SGCZ: variants seen among roughly 807,000 people sequenced by gnomAD.
SGCZ encodes sarcoglycan zeta.
In SGCZ, 40 loss-of-function variants were observed where a neutral mutation model predicts 41.3. The ratio of observed to expected loss-of-function variants is 0.97; its 90% CI spans 0.75 to 1.26. SGCZ has a LOEUF of 1.26. Among genes scored for constraint, SGCZ ranks in the 50% most tolerant of loss-of-function variants. SGCZ has a pLI of 0.00. For synonymous variants in SGCZ, 206 were observed against 137.5 expected (o/e 1.50, Z -3.49); for missense variants, 552 against 369.8 (o/e 1.49, Z -4.04).
chr8:14,127,606 C>G (rs544787470), intron 5 of SGCZ, among the ~76,000 whole-genome samples: 1 of 152,198 alleles, frequency 6.6e-6, no homozygotes, highest in South Asian at 2.1e-4. Flanking sequence ...CAGGCACCCA[C>G]TACCACACCA....
chr8:14,428,361 G>A (rs188852006), intron 2 of SGCZ, among the ~76,000 whole-genome samples: 92 of 151,942 alleles, frequency 6.1e-4, no homozygotes, highest in African/African-American at 2.1e-3. Flanking sequence ...CAACTCAGAC[G>A]GGATGCAAGG....
At chr8:14,318,335 A>G (rs1801786353) in intron 3 of SGCZ, among the ~76,000 whole-genome samples, 1 of 151,896 alleles carries the variant, frequency 6.6e-6, no homozygotes, top group Non-Finnish European at 1.5e-5. Context: ...AATCTCCCTC[A>G]CGCTTTAACA....
chr8:14,692,180 T>C (rs529458559), intron 1 of SGCZ, among the ~76,000 whole-genome samples: 2 of 152,024 alleles, frequency 1.3e-5, no homozygotes, highest in Non-Finnish European at 2.9e-5. Context: ...CATAGTTAAA[T>C]TGATATATAA....
rs1318338667 is a variant in SGCZ at position 14,084,905 on chromosome 8, A to G, written c.*5538T>C. Among the ~76,000 whole-genome samples the G allele has an allele frequency of 6.6e-6, 1 of 151,936 alleles. No homozygotes were observed. The highest frequency in any genetic ancestry group is 6.6e-5 in the Admixed American group (1 of 15,208). ...TAATCATGGTTACATAGTAGCACCA[A>G]AATTAGGACAAATTACAAGAATCAC... On this transcript the variant is annotated 3_prime_UTR_variant, in exon 8 of 8. Coordinates refer to ENST00000382080, the MANE Select transcript of SGCZ (RefSeq NM_139167.4).
chr8:14,995,145 T>C (rs1802170525), intron 1 of SGCZ, among the ~76,000 whole-genome samples: 1 of 152,270 alleles, frequency 6.6e-6, no homozygotes, highest in Non-Finnish European at 1.5e-5. Flanking sequence ...CTTGGGGCCA[T>C]GGTGAGGCAT....
intron 1 of SGCZ, among the ~76,000 whole-genome samples, chr8:15,075,454 CTT>C (rs1393630534): frequency 6.6e-6 from 1 of 152,090 alleles, no homozygotes; most frequent in Non-Finnish European, 1.5e-5. Context: ...TTGTAAGTAT[CTT>C]TTTTTAAAGT....
At chr8:14,296,264 TGG>T (rs1801010024) in intron 3 of SGCZ, among the ~76,000 whole-genome samples, 1 of 152,076 alleles carries the variant, frequency 6.6e-6, no homozygotes, top group Non-Finnish European at 1.5e-5. Context: ...TCTGAATGTA[TGG>T]AAAACAATAA....
chr8:15,174,321 G>T (rs1231860448), intron 1 of SGCZ, among the ~76,000 whole-genome samples: 1 of 152,128 alleles, frequency 6.6e-6, no homozygotes. Context: ...TCTGTCAATT[G>T]ACTTCAGTGT....
intron 1 of SGCZ, among the ~76,000 whole-genome samples, chr8:14,974,182 G>C (rs549715620): frequency 1.3e-5 from 2 of 152,018 alleles, no homozygotes; most frequent in Non-Finnish European, 2.9e-5. Context: ...TGTAGAAAAG[G>C]ATACAATTAG....
At chr8:14,649,631 C>A (rs1018846361) in intron 1 of SGCZ, among the ~76,000 whole-genome samples, 1 of 151,964 alleles carries the variant, frequency 6.6e-6, no homozygotes, top group Admixed American at 6.6e-5. Flanking sequence ...GAAAGCTCAG[C>A]TCGTTAAGTT....
intron 1 of SGCZ, among the ~76,000 whole-genome samples, chr8:14,986,452 T>A (rs1213700524): frequency 6.6e-6 from 1 of 152,066 alleles, no homozygotes; most frequent in African/African-American, 2.4e-5. Context: ...GCTTTGAGAT[T>A]TTTGGTTATC....
chr8:14,955,415 T>C (rs1800761426), intron 1 of SGCZ, among the ~76,000 whole-genome samples: 1 of 152,214 alleles, frequency 6.6e-6, no homozygotes, highest in Non-Finnish European at 1.5e-5. Context: ...TTGTTGTGCC[T>C]CTTTCCTAGT....
intron 4 of SGCZ, among the ~76,000 whole-genome samples, chr8:14,212,558 C>T (rs13271166): frequency 0.24 from 35,956 of 149,846 alleles, 5,481 homozygotes; most frequent in Non-Finnish European, 0.34. Context: ...ATAGCCTACA[C>T]ATTAAACCTA....
chr8:14,228,788 T>A (rs6981010), intron 4 of SGCZ, among the ~76,000 whole-genome samples: 91,132 of 151,964 alleles, frequency 0.6, 27,690 homozygotes, highest in East Asian at 0.76. Context: ...ACAACTAAAG[T>A]TACTGTTACC....
chr8:14,119,975 T>C (rs1311596019), intron 5 of SGCZ, among the ~76,000 whole-genome samples: 1 of 152,168 alleles, frequency 6.6e-6, no homozygotes, highest in Admixed American at 6.6e-5. Flanking sequence ...AGTATTTTTT[T>C]GAGGATTTTT....
At chr8:14,539,209 C>A (rs918749886) in intron 2 of SGCZ, among the ~76,000 whole-genome samples, 1 of 151,990 alleles carries the variant, frequency 6.6e-6, no homozygotes, top group South Asian at 2.1e-4. Context: ...CTGGGCCTCC[C>A]GCCAAATGGC....
chr8:14,157,139 C>T (rs553629004), intron 5 of SGCZ, among the ~76,000 whole-genome samples: 1 of 151,910 alleles, frequency 6.6e-6, no homozygotes, highest in Admixed American at 6.6e-5. Context: ...GTATGTTGTG[C>T]TCTGACCTTA....
intron 2 of SGCZ, among the ~76,000 whole-genome samples, chr8:14,409,489 A>G (rs113364842): frequency 2.6e-5 from 4 of 152,272 alleles, no homozygotes; most frequent in African/African-American, 9.6e-5. Flanking sequence ...AAAAAATCAG[A>G]ATATTCACTT....
chr8:14,115,684 T>C (rs1048487313), intron 5 of SGCZ, among the ~76,000 whole-genome samples: 1 of 151,920 alleles, frequency 6.6e-6, no homozygotes, highest in African/African-American at 2.4e-5. Flanking sequence ...TTTTTTTTTG[T>C]ATAACCCTTT....
Sources: allele counts gnomAD v4.1 joint callset (sites outside exome capture counted in the v4.1 genomes callset), GRCh38; gene constraint gnomAD v4.1.1; transcripts MANE v1.5; gene names NCBI Gene and HGNC (gene_info 2026-07-23, HGNC 2026-07-21).